RTTN: variants seen among roughly 807,000 people sequenced by gnomAD.
The protein encoded by RTTN is rotatin.
In RTTN, 182 loss-of-function variants were observed where a neutral mutation model predicts 269.2. The observed-to-expected ratio is 0.68, with a 90% CI of 0.60 to 0.76. The LOEUF is 0.76. Among genes scored for constraint, RTTN ranks in the 30% least tolerant of loss-of-function variants. RTTN has a pLI of 0.00. For synonymous variants in RTTN, 1,006 were observed against 963.5 expected (o/e 1.04, Z -0.82); for missense variants, 2,545 against 2,608.6 (o/e 0.98, Z 0.53).
chr18:70,041,652 TCCTC>T (rs2057343534), intron 40 of RTTN, among the ~76,000 whole-genome samples: 1 of 152,076 alleles, frequency 6.6e-6, no homozygotes, highest in Non-Finnish European at 1.5e-5. Context: ...AAGCCACTCT[TCCTC>T]CCAGCCCTTG....
intron 8 of RTTN, among the ~76,000 whole-genome samples, chr18:70,192,346 C>T (rs1231251686): frequency 1.3e-5 from 2 of 152,170 alleles, no homozygotes; most frequent in Admixed American, 1.3e-4. Flanking sequence ...AAATACCACA[C>T]CAATCCTTTT....
In RTTN at chr18:70,139,646, C is replaced by T. The variant is rs1445835378; in HGVS notation, c.2741G>A (p.Arg914His). 3.1e-6 allele frequency: 5 copies of T among 1,613,312 alleles called. No individual in the cohort carries two copies. Among genetic ancestry groups the T allele is most frequent in the South Asian group, 1.1e-5 (1 of 91,044 alleles). ...AGAAGACTGTTGCGAGAGCGAAACACGCATGACTGGATCACCACATAAAAC... is the reference window on the plus strand; with the variant it reads ...AGAAGACTGTTGCGAGAGCGAAACATGCATGACTGGATCACCACATAAAAC... ...RKVLCGDPVMRVSLSQQSSLL... is the reference protein window; with the variant it reads ...RKVLCGDPVMHVSLSQQSSLL... Residue 914 changes from arginine to histidine, a missense_variant, in exon 21 of 49, where the codon CGT becomes CAT. Physicochemically the swap from Arg to His is conservative, Grantham distance 29 (BLOSUM62 0). Transcript: ENST00000640769.
chr18:70,174,005 G>C (rs2061218126), intron 11 of RTTN, among the ~76,000 whole-genome samples: 1 of 152,128 alleles, frequency 6.6e-6, no homozygotes, highest in South Asian at 2.1e-4. Flanking sequence ...GAGAAGGAGG[G>C]AGAGGTAACA....
chr18:70,186,297 T>A (rs1217311080), intron 10 of RTTN, among the ~76,000 whole-genome samples: 1 of 152,240 alleles, frequency 6.6e-6, no homozygotes, highest in African/African-American at 2.4e-5. Context: ...AACAGGTTCT[T>A]GGAAACTGAC....
In RTTN at chr18:70,127,535, A is replaced by G. The variant is rs944181463; in HGVS notation, c.3350T>C (p.Leu1117Ser). The G allele has an allele frequency of 1.2e-6, 2 of 1,613,356 alleles. No homozygotes were observed. The highest frequency in any genetic ancestry group is 1.1e-5 in the South Asian group (1 of 91,070). ...KGCPGPCGVTLKSLAWHTALN... is the reference protein window; with the variant it reads ...KGCPGPCGVTSKSLAWHTALN... ...TGCGGTGTGCCAAGCCAAGGACTTC[A>G]AGGTAACCCCACATGGACCAGGGCA... The change falls in exon 25 of 49, where the codon TTG becomes TCG. Residue 1117 changes from leucine (L) to serine (S), a missense_variant. Physicochemically the swap from Leu to Ser is moderately radical, Grantham distance 145. Coordinates refer to ENST00000640769, the MANE Select transcript of RTTN (RefSeq NM_173630.4).
chr18:70,185,788 CAAAAA>C (rs1014588293), intron 10 of RTTN, among the ~76,000 whole-genome samples: 1 of 150,990 alleles, frequency 6.6e-6, no homozygotes, highest in Admixed American at 6.6e-5. Context: ...CAAAACAAAA[CAAAAA>C]AAACTACCAG....
chr18:70,011,463 A>G (rs1217254418), intron 46 of RTTN, among the ~76,000 whole-genome samples: 1 of 152,226 alleles, frequency 6.6e-6, no homozygotes, highest in Non-Finnish European at 1.5e-5. Context: ...GTAATCTATC[A>G]CATAAACAGA....
intron 27 of RTTN, 132 bp from the exon 28 acceptor site, chr18:70,109,849 A>G: frequency 1.5e-6 from 1 of 660,362 alleles, no homozygotes; most frequent in Non-Finnish European, 2.6e-6. Flanking sequence ...ATGGCAGAAA[A>G]TAGTCTCTAT....
At chr18:70,045,798 A>G (rs1397866685) in intron 40 of RTTN, among the ~76,000 whole-genome samples, 2 of 152,200 alleles carry the variant, frequency 1.3e-5, no homozygotes, top group African/African-American at 2.4e-5. Flanking sequence ...ATGATTTATT[A>G]GGAAACATGG....
chr18:70,157,049 C>T (rs538234762), intron 14 of RTTN, among the ~76,000 whole-genome samples: 5 of 152,316 alleles, frequency 3.3e-5, no homozygotes, highest in Admixed American at 2.0e-4. Flanking sequence ...CCTGTCAGAG[C>T]GCTTTTGCAA....
intron 26 of RTTN, among the ~76,000 whole-genome samples, chr18:70,115,533 T>C (rs1385509973): frequency 6.7e-6 from 1 of 149,236 alleles, no homozygotes; most frequent in African/African-American, 2.4e-5. Flanking sequence ...AAAAAAAAGA[T>C]AGTAAGATTT....
At chr18:70,205,101 A>G (rs773995367) in intron 2 of RTTN, 27 bp downstream of exon 2, 1 of 1,595,816 alleles carries the variant, frequency 6.3e-7, no homozygotes, top group Non-Finnish European at 8.6e-7. Context: ...TCGTCTGATT[A>G]TTTTCTTTAT....
intron 40 of RTTN, among the ~76,000 whole-genome samples, chr18:70,037,472 T>C (rs1024720034): frequency 6.6e-6 from 1 of 152,114 alleles, no homozygotes; most frequent in Non-Finnish European, 1.5e-5. Flanking sequence ...GAGACCTCCA[T>C]TCCAGGCCCA....
chr18:70,039,951 AC>A (rs2057291553), intron 40 of RTTN, among the ~76,000 whole-genome samples: 1 of 152,200 alleles, frequency 6.6e-6, no homozygotes, highest in Admixed American at 6.5e-5. Context: ...CATCATGGTA[AC>A]CTTTTACCAA....
intron 8 of RTTN, among the ~76,000 whole-genome samples, chr18:70,190,934 T>C (rs925607653): frequency 6.6e-5 from 10 of 152,260 alleles, no homozygotes; most frequent in Admixed American, 5.2e-4. Flanking sequence ...ATGCCTGTCA[T>C]CCCAGCACTT....
chr18:70,146,183 A>G (rs1044999461), intron 17 of RTTN, among the ~76,000 whole-genome samples: 1 of 152,198 alleles, frequency 6.6e-6, no homozygotes, highest in Non-Finnish European at 1.5e-5. Flanking sequence ...CCCACAGGAG[A>G]GTAATGACGC....
At chr18:70,052,433 T>C (rs1030840852) in intron 38 of RTTN, among the ~76,000 whole-genome samples, 5 of 152,254 alleles carry the variant, frequency 3.3e-5, no homozygotes, top group African/African-American at 1.2e-4. Context: ...ACACATATAC[T>C]GTATATCTCT....
Position 70,145,814 on chromosome 18 carries a change from T to C in RTTN, c.2310-31A>G. The C allele has an allele frequency of 5.1e-6, 8 of 1,554,096 alleles. No homozygotes were observed. The South Asian group carries it at 8.5e-5, about 17-fold the overall frequency. On this transcript the variant is annotated intron_variant, in intron 17 of 48. Coordinates refer to ENST00000640769, the MANE Select transcript of RTTN (RefSeq NM_173630.4). ...AACACAAAGTACTTAAGTCGAACTT[T>C]CGTGATATGCAAATGTCTATTTTAA...
At chr18:70,022,443 C>G (rs1354527867) in intron 44 of RTTN, among the ~76,000 whole-genome samples, 1 of 152,174 alleles carries the variant, frequency 6.6e-6, no homozygotes, top group African/African-American at 2.4e-5. Flanking sequence ...CTCATTCTCC[C>G]AATCCCTTAA....
Sources: allele counts gnomAD v4.1 joint callset (sites outside exome capture counted in the v4.1 genomes callset), GRCh38; gene constraint gnomAD v4.1.1; transcripts MANE v1.5; gene names NCBI Gene and HGNC (gene_info 2026-07-23, HGNC 2026-07-21).